The following KMT2E variants were observed in gnomAD, a reference collection of about 807,000 sequenced individuals.
KMT2E encodes the protein histone reader KMT2E.
KMT2E carries 30 observed loss-of-function variants against 184.6 expected under a neutral mutation model. The observed-to-expected ratio is 0.16, with a 90% CI of 0.12 to 0.22. KMT2E has a LOEUF of 0.22. Among genes scored for constraint, KMT2E ranks in the 10% least tolerant of loss-of-function variants. The pLI, the probability that KMT2E is intolerant of heterozygous loss-of-function variation, is 1.00. For synonymous variants in KMT2E, 815 were observed against 776.5 expected, an observed-to-expected ratio of 1.05 and a Z score of -0.82; for missense variants, 2,023 against 2,237.4, an observed-to-expected ratio of 0.90 and a Z score of 1.93.
intron 15 of KMT2E, among the ~76,000 whole-genome samples, chr7:105,093,695 G>A (rs1798298623): frequency 6.6e-6 from 1 of 151,912 alleles, no homozygotes; most frequent in South Asian, 2.1e-4. Context: ...CAAAAAAAAA[G>A]AGAATTGTAT....
intron 3 of KMT2E, among the ~76,000 whole-genome samples, chr7:105,049,618 C>T (rs1163045506): frequency 5.3e-5 from 8 of 151,136 alleles, no homozygotes; most frequent in Non-Finnish European, 1.2e-4. Context: ...TGGCCAGGCG[C>T]GGTGGCTCAC....
In KMT2E at chr7:105,063,387, C is replaced by G; in HGVS notation, c.223C>G (p.Pro75Ala). Residue 75 changes from proline to alanine, a missense_variant, in exon 5 of 27, where the codon CCG (proline) becomes GCG (alanine). Physicochemically the swap from Pro to Ala is conservative, Grantham distance 27. Around this residue, in one of 8 missense-constraint regions of KMT2E, gnomAD observed 48 missense variants for 51.5 expected, o/e 0.93. Transcript: ENST00000311117. Reference sequence around the variant, plus strand: ...TGGTGCTCGTCCTCCTCCGACACCTCCGGCTTCCCCTCCTCCATCAGTCCT... The same window carrying G: ...TGGTGCTCGTCCTCCTCCGACACCTGCGGCTTCCCCTCCTCCATCAGTCCT... ...NYGARPPPTP[P>A]ASPPPSVLIS... 1 of 1,613,126 alleles carries G rather than the reference C, an allele frequency of 6.2e-7. No individual in the cohort carries two copies. Among genetic ancestry groups the G allele is most frequent in the Non-Finnish European group, 8.5e-7 (1 of 1,179,554 alleles).
At chr7:105,021,393 A>G (rs1375422005) in intron 1 of KMT2E, among the ~76,000 whole-genome samples, 2 of 152,204 alleles carry the variant, frequency 1.3e-5, no homozygotes, top group African/African-American at 2.4e-5. Flanking sequence ...GCAGAGAGAG[A>G]TGAGACTGTC....
At chr7:105,067,452 C>T (rs775825838) in intron 6 of KMT2E, among the ~76,000 whole-genome samples, 38 of 151,970 alleles carry the variant, frequency 2.5e-4, no homozygotes, top group African/African-American at 7.7e-4. Context: ...TTCAAACTTA[C>T]GTAAAAATAA....
Position 105,095,492 on chromosome 7 carries a change from CA to C in KMT2E, c.1722+4179del, listed in dbSNP as rs372818708. ...TTGGCTATAGGTCACACAAAATACT[CA>C]GGGATGAAGATTTCATGAAAGAATA... On this transcript the variant is annotated intron_variant, in intron 15 of 26. Coordinates refer to ENST00000311117, the MANE Select transcript of KMT2E (RefSeq NM_182931.3). Among the ~76,000 whole-genome samples, 65 of 152,254 alleles carry C rather than the reference CA, an allele frequency of 4.3e-4. 1 individual carries two copies. In the South Asian group the frequency reaches 0.013, roughly 31 times the overall value.
At chr7:105,068,805 A>C (rs1044782182) in intron 6 of KMT2E, among the ~76,000 whole-genome samples, 11 of 151,924 alleles carry the variant, frequency 7.2e-5, no homozygotes, top group African/African-American at 2.7e-4. Flanking sequence ...CGGTTCTCTT[A>C]AGATATATTT....
chr7:105,107,030 G>T, intron 20 of KMT2E, 136 bp from the exon 21 acceptor site: 2 of 636,226 alleles, frequency 3.1e-6, no homozygotes. Flanking sequence ...GTCTTATTTG[G>T]GGAATGGAAA....
At chr7:105,085,473 G>A (rs1027223296) in intron 13 of KMT2E, among the ~76,000 whole-genome samples, 1 of 152,138 alleles carries the variant, frequency 6.6e-6, no homozygotes, top group Non-Finnish European at 1.5e-5. Flanking sequence ...GCTTGAACCT[G>A]GGAGATGGAG....
chr7:105,079,118 G>A (rs2129568231), intron 12 of KMT2E, among the ~76,000 whole-genome samples, 155 bp downstream of exon 12: 1 of 150,940 alleles, frequency 6.6e-6, no homozygotes, highest in South Asian at 2.1e-4. Flanking sequence ...AAATTTATGT[G>A]ATAACTGGCT....
intron 7 of KMT2E, 150 bp from the exon 8 acceptor site, chr7:105,074,493 T>G: frequency 2.0e-6 from 1 of 499,032 alleles, no homozygotes; most frequent in East Asian, 3.4e-5. Context: ...GCTTTGCATG[T>G]AAATGTGTAA....
chr7:105,110,104 A>AT (rs1269898035), intron 23 of KMT2E, among the ~76,000 whole-genome samples, 176 bp from the exon 24 acceptor site: 1 of 152,110 alleles, frequency 6.6e-6, no homozygotes, highest in Non-Finnish European at 1.5e-5. Flanking sequence ...AAGTGCTGGG[A>AT]TTACAGGCGT....
intron 1 of KMT2E, among the ~76,000 whole-genome samples, chr7:105,028,899 A>G (rs1001051127): frequency 1.3e-5 from 2 of 152,114 alleles, no homozygotes; most frequent in African/African-American, 4.8e-5. Context: ...CTTTCTGTTG[A>G]TCCTTATAAA....
chr7:105,023,901 A>C (rs1053872474), intron 1 of KMT2E, among the ~76,000 whole-genome samples: 1 of 152,234 alleles, frequency 6.6e-6, no homozygotes, highest in African/African-American at 2.4e-5. Context: ...CTGTAATTCT[A>C]GGGCAAAGCG....
intron 13 of KMT2E, among the ~76,000 whole-genome samples, chr7:105,083,533 C>A (rs142269605): frequency 6.6e-6 from 1 of 152,282 alleles, no homozygotes; most frequent in Non-Finnish European, 1.5e-5. Flanking sequence ...GTTATACAAC[C>A]AAAAGACTGG....
chr7:105,032,261 T>A (rs754576297), intron 1 of KMT2E, among the ~76,000 whole-genome samples: 3 of 151,504 alleles, frequency 2.0e-5, no homozygotes, highest in Non-Finnish European at 2.9e-5. Flanking sequence ...CTGGCCAACA[T>A]GGTGAAATGC....
chr7:105,066,486 A>AT, intron 5 of KMT2E, among the ~76,000 whole-genome samples: 1 of 152,136 alleles, frequency 6.6e-6, no homozygotes, highest in Non-Finnish European at 1.5e-5. Flanking sequence ...TAAATTATAC[A>AT]TTTTATATTT....
At chr7:105,101,791 C>T (rs1584797034) in intron 16 of KMT2E, 95 bp from the exon 17 acceptor site, 6 of 1,137,296 alleles carry the variant, frequency 5.3e-6, no homozygotes, top group Non-Finnish European at 7.3e-6. Context: ...TCAAAAATTC[C>T]AGAAAGTTGG....
chr7:105,049,784 C>G (rs948080879), intron 3 of KMT2E, among the ~76,000 whole-genome samples: 1 of 151,868 alleles, frequency 6.6e-6, no homozygotes, highest in Non-Finnish European at 1.5e-5. Flanking sequence ...CCCAGCTACT[C>G]GGAGGCACAC....
At position 105,067,079 on chromosome 7, in the gene KMT2E, A is replaced by AAG. The variant is rs1554391155; in HGVS notation, c.497+273_497+274insGA. Among the ~76,000 whole-genome samples, 392 of 149,930 alleles carry AAG rather than the reference A, an allele frequency of 2.6e-3. 13 individuals carry two copies. In the East Asian group the frequency reaches 0.055, roughly 21 times the overall value. ...CTCTTTTTTTTTTAAAAAAAAAAAA[A>AAG]AAAAAGAAAAAGAAAAAAGGAGAAT... On this transcript the variant is annotated intron_variant, in intron 6 of 26. Transcript: ENST00000311117.
Sources: allele counts gnomAD v4.1 joint callset (sites outside exome capture counted in the v4.1 genomes callset), GRCh38; gene constraint gnomAD v4.1.1; regional missense constraint gnomAD v4.1.1; transcripts MANE v1.5; gene names NCBI Gene and HGNC (gene_info 2026-07-23, HGNC 2026-07-21).